The following CDH22 variants were observed in gnomAD, a reference collection of about 807,000 sequenced individuals.
The protein encoded by CDH22 is cadherin 22.
A neutral mutation model predicts 58.4 loss-of-function variants in CDH22; 30 were observed. The ratio of observed to expected loss-of-function variants is 0.51; its 90% CI spans 0.38 to 0.70. CDH22 has a LOEUF of 0.70. Ranked by LOEUF, CDH22 falls within the 30% of genes least tolerant of loss-of-function variation. The pLI is 0.00. For synonymous variants in CDH22, 513 were observed against 558.2 expected (o/e 0.92, Z 1.14); for missense variants, 1,014 against 1,233.9 (o/e 0.82, Z 2.67).
chr20:46,284,774 C>T (rs944438455), intron 1 of CDH22, among the ~76,000 whole-genome samples: 10 of 152,262 alleles, frequency 6.6e-5, no homozygotes, highest in East Asian at 1.9e-4. Flanking sequence ...CCCTCCAGGC[C>T]GCCTCTGTGT....
At chr20:46,194,881 C>T (rs1202834795) in intron 8 of CDH22, among the ~76,000 whole-genome samples, 1 of 152,152 alleles carries the variant, frequency 6.6e-6, no homozygotes, top group Non-Finnish European at 1.5e-5. Context: ...AGGTGCCCAC[C>T]ACCACACCCG....
rs760193152 is a variant in CDH22, at chr20:46,241,195, A to C, written c.318T>G (p.Ala106=). The change falls in exon 3 of 12, where the codon GCT becomes GCG. Residue 106 remains alanine, a synonymous_variant. Coordinates refer to ENST00000537909, the MANE Select transcript of CDH22 (RefSeq NM_021248.3). This position sits in a 1 kb window ranked among gnomAD's most constrained non-coding sequence, Gnocchi z 5.2. ...AIKYTISGEG[A]GTIFLIDELT... is the part of the protein sequence containing the mutation. The stretch of plus-strand genomic sequence containing the variant: ...GCTCGTCGATCAGGAAGATGGTCCC[A>C]GCACCCTCGCCTGAGATGGTGTACT... 2 of 1,614,030 alleles carry C rather than the reference A, an allele frequency of 1.2e-6. No homozygotes were observed.
intron 7 of CDH22, among the ~76,000 whole-genome samples, chr20:46,206,185 C>G (rs1426259875): frequency 6.6e-6 from 1 of 152,182 alleles, no homozygotes; most frequent in South Asian, 2.1e-4. Flanking sequence ...CTGCACTAAC[C>G]ACAAGGAGAG....
chr20:46,299,290 C>T (rs1024999190), intron 1 of CDH22, among the ~76,000 whole-genome samples: 3 of 152,216 alleles, frequency 2.0e-5, no homozygotes, highest in African/African-American at 7.2e-5. Flanking sequence ...CCTGCAGCAG[C>T]GTCATCCTAG....
chr20:46,176,944 A>G (rs1023442955), intron 11 of CDH22, among the ~76,000 whole-genome samples: 19 of 152,220 alleles, frequency 1.2e-4, no homozygotes, highest in African/African-American at 4.6e-4. Context: ...ATTAGGCAGA[A>G]CTTTGTTTGC....
At chr20:46,234,691 C>T (rs891480633) in intron 3 of CDH22, among the ~76,000 whole-genome samples, 1 of 152,240 alleles carries the variant, frequency 6.6e-6, no homozygotes, top group Non-Finnish European at 1.5e-5. Flanking sequence ...ATTCTCCTTC[C>T]TTTGCCCATG....
At chr20:46,262,878 G>C (rs1381867430) in intron 1 of CDH22, among the ~76,000 whole-genome samples, 3 of 152,162 alleles carry the variant, frequency 2.0e-5, no homozygotes, top group African/African-American at 7.2e-5. Flanking sequence ...TGACATTCAT[G>C]CCTCTGGGCC....
chr20:46,189,545 C>G (rs1474880531), intron 8 of CDH22, among the ~76,000 whole-genome samples: 2 of 152,160 alleles, frequency 1.3e-5, no homozygotes, highest in African/African-American at 4.8e-5. Flanking sequence ...GAAGGTACAG[C>G]AGGATGGACT....
intron 10 of CDH22, among the ~76,000 whole-genome samples, chr20:46,181,744 C>CTTTCT (rs1555800208): frequency 3.6e-3 from 112 of 30,748 alleles, no homozygotes; most frequent in Non-Finnish European, 7.5e-3. Context: ...TCCTTCCTTC[C>CTTTCT]TTCCTTCCTT....
intron 1 of CDH22, among the ~76,000 whole-genome samples, chr20:46,265,973 T>C (rs1288614750): frequency 3.4e-5 from 5 of 148,270 alleles, no homozygotes; most frequent in Admixed American, 6.7e-5. Context: ...CACACACACA[T>C]TGATCCCAGC....
chr20:46,210,746 CTG>C lies in CDH22; in HGVS notation c.1033-188_1033-187del. ...ACCCGGTGGGTTACGGGTGGAGAAA[CTG>C]AGGATCCTCGAGGACAGTCTTGCCT... On this transcript the variant is annotated intron_variant, in intron 6 of 11. Transcript: ENST00000537909. The surrounding 1 kb of genome is among the most constrained non-coding windows in gnomAD (Gnocchi z 4.5). Among the ~76,000 whole-genome samples the C allele has an allele frequency of 6.6e-6, 1 of 152,276 alleles. No individual in the cohort carries two copies. The highest frequency in any genetic ancestry group is 2.4e-5 in the African/African-American group (1 of 41,560).
At position 46,241,618 on chromosome 20, in the gene CDH22, C is replaced by T. The variant is rs987038563; in HGVS notation, c.256-361G>A. Among the ~76,000 whole-genome samples the T allele has an allele frequency of 6.6e-6, 1 of 152,358 alleles. No individual in the cohort carries two copies. Among genetic ancestry groups the T allele is most frequent in the Middle Eastern group, 3.4e-3 (1 of 294 alleles). ...ACACCTCTCTCCCCTTTAGCACGCA[C>T]AGCTCTGAGGCTTCTGCCTTGAGCC... On this transcript the variant is annotated intron_variant, in intron 2 of 11. Transcript: ENST00000537909. The surrounding 1 kb of genome is among the most constrained non-coding windows in gnomAD (Gnocchi z 5.2).
chr20:46,232,768 C>T (rs552088892), intron 3 of CDH22, among the ~76,000 whole-genome samples: 1 of 152,340 alleles, frequency 6.6e-6, no homozygotes, highest in South Asian at 2.1e-4. Flanking sequence ...CTGCTGCCCT[C>T]CTCCCAACTC....
chr20:46,229,869 C>A (rs2086207064), intron 3 of CDH22, among the ~76,000 whole-genome samples: 1 of 152,124 alleles, frequency 6.6e-6, no homozygotes, highest in African/African-American at 2.4e-5. Context: ...ACTCCCTGGG[C>A]AAAGCACAAT....
chr20:46,186,743 G>T, intron 9 of CDH22, 38 bp from the exon 10 acceptor site: 2 of 1,605,782 alleles, frequency 1.2e-6, no homozygotes, highest in Non-Finnish European at 1.7e-6. Flanking sequence ...TAGTGGTGAG[G>T]CTGAGACCAC....
chr20:46,267,035 A>G (rs1415110490), intron 1 of CDH22, among the ~76,000 whole-genome samples: 12 of 151,958 alleles, frequency 7.9e-5, no homozygotes, highest in Admixed American at 7.2e-4. Flanking sequence ...AGCACACTCC[A>G]TAGGTTATCT....
At chr20:46,215,462 G>A (rs896796340) in intron 5 of CDH22, among the ~76,000 whole-genome samples, 6 of 152,190 alleles carry the variant, frequency 3.9e-5, no homozygotes, top group African/African-American at 1.4e-4. Flanking sequence ...GACTGGTGAT[G>A]CCTGCGTAGA....
chr20:46,254,554 CAAAAAAA>C (rs1257630029), intron 1 of CDH22, among the ~76,000 whole-genome samples: 30 of 64,140 alleles, frequency 4.7e-4, no homozygotes, highest in East Asian at 1.7e-3. Flanking sequence ...AATTCCATCT[CAAAAAAA>C]AAAAAAAAAA....
At chr20:46,253,173 A>T (rs2086389208) in intron 1 of CDH22, among the ~76,000 whole-genome samples, 1 of 152,252 alleles carries the variant, frequency 6.6e-6, no homozygotes, top group South Asian at 2.1e-4. Context: ...TTAACCCAGC[A>T]TCACAGTGGG....
Sources: allele counts gnomAD v4.1 joint callset (sites outside exome capture counted in the v4.1 genomes callset), GRCh38; gene constraint gnomAD v4.1.1; non-coding constraint Gnocchi (gnomAD v3.1); transcripts MANE v1.5; gene names NCBI Gene and HGNC (gene_info 2026-07-23, HGNC 2026-07-21).